The following CFAP97 variants were observed in gnomAD, a reference collection of about 807,000 sequenced individuals.
CFAP97 encodes cilia- and flagella-associated protein 97.
CFAP97 carries 36 observed loss-of-function variants against 43.1 expected under a neutral mutation model. The ratio of observed to expected loss-of-function variants is 0.84; its 90% confidence interval spans 0.64 to 1.10. The LOEUF is 1.10. CFAP97 is among the 50% of genes least tolerant of loss of function. The pLI, the probability that CFAP97 is intolerant of heterozygous loss-of-function variation, is 0.00. For missense variants in CFAP97, 657 were observed against 620.3 expected (o/e 1.06, Z -0.63); for synonymous variants, 228 against 225.7 (o/e 1.01, Z -0.09).
intron 2 of CFAP97, among the ~76,000 whole-genome samples, chr4:185,178,149 T>C (rs1193420126): frequency 6.6e-6 from 1 of 151,926 alleles, no homozygotes; most frequent in Non-Finnish European, 1.5e-5. Flanking sequence ...AAATACGCAT[T>C]TTGTAGAACA....
chr4:185,207,697 T>G (rs756281602), upstream of CFAP97: 2 of 152,218 alleles, frequency 1.3e-5, no homozygotes, highest in Non-Finnish European at 2.9e-5. Context: ...CTAGTTCTGT[T>G]ATTGATTAGC....
At chr4:185,202,575 C>A (rs1736916973) in intron 1 of CFAP97, among the ~76,000 whole-genome samples, 1 of 148,520 alleles carries the variant, frequency 6.7e-6, no homozygotes, top group Admixed American at 6.7e-5. Flanking sequence ...AAAAAATCAC[C>A]GGGTTTCAAC....
Position 185,161,503 on chromosome 4 carries a change from CCAATA to C in CFAP97, c.*1290_*1294del, listed in dbSNP as rs2111302923. 6.6e-6 allele frequency: 1 copy of C among 152,198 alleles called. No individual in the cohort carries two copies. The highest frequency in any genetic ancestry group is 2.4e-5 in the African/African-American group (1 of 41,516). The allele number at this position is 152,198 out of a possible 1,614,324, so 9.4% of individuals were successfully genotyped here. Reference sequence around the variant, plus strand: ...ATTTGTCATTTAACATGGAACCTTTCCAATACATTTTAAGGGCATACTGAAAAGGC... The same window carrying C: ...ATTTGTCATTTAACATGGAACCTTTCCATTTTAAGGGCATACTGAAAAGGC... On this transcript the variant is annotated 3_prime_UTR_variant, in exon 5 of 5. Coordinates refer to ENST00000458385, the MANE Select transcript of CFAP97 (RefSeq NM_020827.3).
upstream of CFAP97, among the ~76,000 whole-genome samples, chr4:185,205,371 T>C (rs1157193817): frequency 6.6e-6 from 1 of 152,062 alleles, no homozygotes; most frequent in Non-Finnish European, 1.5e-5. Flanking sequence ...GGAGAATCGC[T>C]TGAACTCCGG....
In CFAP97 at chr4:185,183,593, T is replaced by G. The variant is rs554517308; in HGVS notation, c.1054+6550A>C. ...AAATAAAGAAAACATAGGAAAATAA[T>G]TTTGGATCTGAAATGCTTCACTGTG... is the stretch of plus-strand genomic sequence containing the variant. On this transcript the variant is annotated intron_variant, in intron 2 of 4. Coordinates refer to ENST00000458385, the MANE Select transcript of CFAP97 (RefSeq NM_020827.3). Among the ~76,000 whole-genome samples the G allele has an allele frequency of 2.0e-5, 3 of 152,330 alleles. No homozygotes were observed. The South Asian group carries it at 6.2e-4, about 32-fold the overall frequency.
rs750242181 is a variant in CFAP97 at position 185,166,321 on chromosome 4, C to G, written c.1321-2142G>C. Among the ~76,000 whole-genome samples, 3 of 152,198 alleles carry G rather than the reference C, an allele frequency of 2.0e-5. 1 individual carries two copies. The highest frequency in any genetic ancestry group is 2.9e-5 in the Non-Finnish European group (2 of 68,024). On this transcript the variant is annotated intron_variant, in intron 3 of 4. Coordinates refer to ENST00000458385, the MANE Select transcript of CFAP97 (RefSeq NM_020827.3). ...CCTGCAGTTTGTAACTGTGCAGGAA[C>G]TTCCTGGGGCCACATCTCCAGTGTA... is the stretch of plus-strand genomic sequence containing the variant.
intron 2 of CFAP97, among the ~76,000 whole-genome samples, chr4:185,183,325 A>G (rs1425218407): frequency 6.6e-6 from 1 of 152,224 alleles, no homozygotes; most frequent in Admixed American, 6.5e-5. Flanking sequence ...TTCCTGCCTC[A>G]GCTGTGCTCT....
intron 3 of CFAP97, among the ~76,000 whole-genome samples, chr4:185,173,584 T>C (rs1281320941): frequency 1.3e-5 from 2 of 152,264 alleles, no homozygotes; most frequent in African/African-American, 4.8e-5. Context: ...TTCTGATACA[T>C]GCTACAACAT....
At chr4:185,201,462 C>G (rs1168022933) in intron 1 of CFAP97, among the ~76,000 whole-genome samples, 1 of 152,086 alleles carries the variant, frequency 6.6e-6, no homozygotes, top group African/African-American at 2.4e-5. Flanking sequence ...ATTGCCACAG[C>G]CATCCCAACC....
In CFAP97 at chr4:185,164,069, T is replaced by C. The variant is rs1431787354; in HGVS notation, c.1431A>G (p.Ser477=). 2 of 1,613,916 alleles carry C rather than the reference T, an allele frequency of 1.2e-6. No individual in the cohort carries two copies. ...NMGYLNSSPL[S]RRARSTLGQY... is the part of the protein sequence containing the mutation. ...GGCCAAGAGTGGATCTGGCCCGTCT[T>C]GACAATGGTGATGAGTTGAGATAGC... Residue 477 remains serine (S), a synonymous_variant, in exon 4 of 5, where the codon TCA becomes TCG. Coordinates refer to ENST00000458385, the MANE Select transcript of CFAP97 (RefSeq NM_020827.3).
In CFAP97 at chr4:185,209,466, G is replaced by GCCCGGACCCCGC. The variant is rs1175058248; in HGVS notation, c.-227_-216dup. The GCCCGGACCCCGC allele has an allele frequency of 6.6e-6, 1 of 152,482 alleles. No homozygotes were observed. Among genetic ancestry groups the GCCCGGACCCCGC allele is most frequent in the African/African-American group, 2.4e-5 (1 of 41,446 alleles). 9.4% of individuals were successfully genotyped at this position (152,482 alleles called of 1,614,324 possible). The stretch of plus-strand genomic sequence containing the variant: ...CGCGCCCTCTCCCCGTGGGGCCCCG[G>GCCCGGACCCCGC]CCCGGACCCCGCCCCCGCGCTGTGG... On this transcript the variant is annotated 5_prime_UTR_variant, in exon 1 of 3. Coordinates refer to the CFAP97 transcript ENST00000503223. This position sits in a 1 kb window ranked among gnomAD's most constrained non-coding sequence, Gnocchi z 5.2.
intron 1 of CFAP97, among the ~76,000 whole-genome samples, chr4:185,202,545 C>T (rs1236150244): frequency 8.2e-6 from 1 of 122,488 alleles, no homozygotes; most frequent in Non-Finnish European, 1.9e-5. Flanking sequence ...GAGATCCTAT[C>T]TCAAAAAACA....
chr4:185,201,830 C>G (rs911742574), intron 1 of CFAP97, among the ~76,000 whole-genome samples: 8 of 152,182 alleles, frequency 5.3e-5, no homozygotes, highest in African/African-American at 1.9e-4. Flanking sequence ...TAACCCTCCA[C>G]CTGGTTTTAT....
chr4:185,180,069 T>C (rs1339827784), intron 2 of CFAP97, among the ~76,000 whole-genome samples: 2 of 152,196 alleles, frequency 1.3e-5, no homozygotes, highest in Non-Finnish European at 1.5e-5. Context: ...AAGTTTTACT[T>C]TCTCCTTGTT....
intron 1 of CFAP97, among the ~76,000 whole-genome samples, chr4:185,196,675 A>T (rs779128577): frequency 1.3e-5 from 2 of 152,166 alleles, no homozygotes; most frequent in Non-Finnish European, 2.9e-5. Context: ...ATACATAAAG[A>T]TGGAATGAAA....
At chr4:185,202,272 G>A (rs1426804105) in intron 1 of CFAP97, among the ~76,000 whole-genome samples, 3 of 152,156 alleles carry the variant, frequency 2.0e-5, no homozygotes, top group Non-Finnish European at 4.4e-5. Context: ...GCTCATGTGC[G>A]GTGGCTCATG....
At chr4:185,169,487 TA>T (rs1184000032) in intron 3 of CFAP97, 2 of 574,246 alleles carry the variant, frequency 3.5e-6, no homozygotes, top group Non-Finnish European at 4.4e-6. Context: ...TGCAGAACTG[TA>T]AGTCAATTAA....
intron 1 of CFAP97, among the ~76,000 whole-genome samples, chr4:185,202,550 AAAAC>A (rs1026062537): frequency 2.0e-5 from 3 of 151,956 alleles, no homozygotes; most frequent in Non-Finnish European, 2.9e-5. Flanking sequence ...CCTATCTCAA[AAAAC>A]AAACAAACAA....
chr4:185,192,088 GC>G (rs1736285507), intron 1 of CFAP97, among the ~76,000 whole-genome samples: 1 of 152,178 alleles, frequency 6.6e-6, no homozygotes. Context: ...TCCCCTTTCT[GC>G]CCCTTTACTG....
Sources: gnomAD v4.1 joint callset for allele counts (sites outside exome capture counted in the v4.1 genomes callset) on GRCh38, gnomAD v4.1.1 for gene constraint, Gnocchi (gnomAD v3.1) non-coding constraint, MANE v1.5 for transcripts, NCBI Gene and HGNC (gene_info 2026-07-23, HGNC 2026-07-21) for gene names.